PDE10A: variants seen among roughly 807,000 people sequenced by gnomAD.
PDE10A encodes cAMP and cAMP-inhibited cGMP 3',5'-cyclic phosphodiesterase 10A.
A neutral mutation model predicts 97.7 loss-of-function variants in PDE10A; 39 were observed. That is an observed-to-expected ratio of 0.40 (90% CI 0.31 to 0.52). The LOEUF is 0.52. Among genes scored for constraint, PDE10A ranks in the 20% least tolerant of loss-of-function variants. The probability of loss-of-function intolerance (pLI) is 0.56; values close to 1 mark genes in which losing one functional copy is unlikely to be tolerated. For missense variants in PDE10A, 731 were observed against 1,047.8 expected, an observed-to-expected ratio of 0.70 and a Z score of 4.17; for synonymous variants, 371 against 376.8, an observed-to-expected ratio of 0.98 and a Z score of 0.18.
rs1408392341 is a variant in PDE10A, at chr6:165,327,789, C to T, written c.*5236G>A. Reference sequence around the variant, plus strand: ...TGTTAACTTGAAATTCTTTCTCCTTCCAATAGAGAGCCTATTAAAATTCTG... The same window carrying T: ...TGTTAACTTGAAATTCTTTCTCCTTTCAATAGAGAGCCTATTAAAATTCTG... On this transcript the variant is annotated 3_prime_UTR_variant, in exon 22 of 22. Transcript: ENST00000539869. 2.0e-5 allele frequency: 3 copies of T among 152,204 alleles called. No homozygotes were observed. Among genetic ancestry groups the T allele is most frequent in the South Asian group, 2.1e-4 (1 of 4,836 alleles). The allele number at this position is 152,204 out of a possible 1,614,324, so 9.4% of individuals were successfully genotyped here. A position where few individuals can be genotyped will look rare whatever the true frequency, so the allele number is the denominator to read the frequency against.
intron 19 of PDE10A, among the ~76,000 whole-genome samples, chr6:165,342,487 T>C (rs1192995935): frequency 2.0e-5 from 3 of 152,262 alleles, no homozygotes; most frequent in Non-Finnish European, 2.9e-5. Flanking sequence ...GTGATCCTCA[T>C]ACAGTAAACA....
At chr6:165,745,582 T>G (rs1792825411) in intron 1 of PDE10A, among the ~76,000 whole-genome samples, 1 of 152,230 alleles carries the variant, frequency 6.6e-6, no homozygotes, top group Non-Finnish European at 1.5e-5. Context: ...CACTGGTTTA[T>G]CATTAAATGT....
At chr6:165,879,640 G>A (rs1177248368) in intron 1 of PDE10A, among the ~76,000 whole-genome samples, 1 of 152,110 alleles carries the variant, frequency 6.6e-6, no homozygotes, top group Non-Finnish European at 1.5e-5. Context: ...GATGTAAAAC[G>A]GTGCAGTGTT....
At position 165,901,271 on chromosome 6, in the gene PDE10A, G is replaced by A. The variant is rs75877685; in HGVS notation, c.-615+86258C>T. Among the ~76,000 whole-genome samples the A allele has an allele frequency of 7.6e-3, 1,150 of 152,172 alleles. 19 individuals carry two copies. The highest frequency in any genetic ancestry group is 0.026 in the African/African-American group (1,068 of 41,530). ...AAACAAATGAACCTCCACACCACAT[G>A]GCAAAAAGGGGCACTTCTCCTGTTA... On this transcript the variant is annotated intron_variant, in intron 1 of 19. Transcript: ENST00000366882.
At chr6:165,597,538 A>T (rs1319597740) in intron 1 of PDE10A, among the ~76,000 whole-genome samples, 1 of 152,236 alleles carries the variant, frequency 6.6e-6, no homozygotes, top group African/African-American at 2.4e-5. Context: ...GGTTAAAGTG[A>T]CATATGTATG....
At chr6:165,890,375 G>A (rs376556863) in intron 1 of PDE10A, among the ~76,000 whole-genome samples, 11 of 152,216 alleles carry the variant, frequency 7.2e-5, no homozygotes, top group African/African-American at 2.2e-4. Flanking sequence ...TTAGCTAGAT[G>A]GTCAAGAGAG....
At chr6:165,973,810 T>C (rs923520590) in intron 1 of PDE10A, among the ~76,000 whole-genome samples, 2 of 152,256 alleles carry the variant, frequency 1.3e-5, no homozygotes, top group African/African-American at 4.8e-5. Context: ...TAGCTTTTCA[T>C]GTAAAGTTTT....
intron 1 of PDE10A, among the ~76,000 whole-genome samples, chr6:165,958,752 A>AGGAAGGAAGGAAG (rs1784265828): frequency 6.6e-6 from 1 of 150,886 alleles, no homozygotes; most frequent in Non-Finnish European, 1.5e-5. Flanking sequence ...AGAAAGAGAA[A>AGGAAGGAAGGAAG]GAAAGAAAGA....
At chr6:165,638,291 A>T (rs1392988844) in intron 1 of PDE10A, among the ~76,000 whole-genome samples, 1 of 152,236 alleles carries the variant, frequency 6.6e-6, no homozygotes, top group Non-Finnish European at 1.5e-5. Context: ...TACTTCAGAT[A>T]ACTTTTAAAG....
intron 1 of PDE10A, among the ~76,000 whole-genome samples, chr6:165,654,656 C>T (rs1393852155): frequency 6.6e-6 from 1 of 151,954 alleles, no homozygotes; most frequent in Non-Finnish European, 1.5e-5. Flanking sequence ...CAAGTCAATT[C>T]TCCATGCAGA....
chr6:165,898,352 G>A (rs1409666103), intron 1 of PDE10A, among the ~76,000 whole-genome samples: 1 of 152,116 alleles, frequency 6.6e-6, no homozygotes, highest in Non-Finnish European at 1.5e-5. Flanking sequence ...GTATAGCCTG[G>A]TGAGCGAGCA....
rs757971581 is a variant in PDE10A at position 165,693,780 on chromosome 6, T to C, written c.-614-150212A>G. ...CCAGTTACATTCATCTCCGGGTTCA[T>C]TTGTTTTCTGGGGCCAATTCATTTC... On this transcript the variant is annotated intron_variant, in intron 1 of 19. Transcript: ENST00000366882. Among the ~76,000 whole-genome samples, 97 of 152,276 alleles carry C rather than the reference T, an allele frequency of 6.4e-4. 2 individuals are homozygous for C. Among genetic ancestry groups the C allele is most frequent in the South Asian group, 1.2e-3 (6 of 4,824 alleles).
At chr6:165,404,748 T>G (rs2128222417) in intron 13 of PDE10A, among the ~76,000 whole-genome samples, 1 of 152,298 alleles carries the variant, frequency 6.6e-6, no homozygotes, top group African/African-American at 2.4e-5. Flanking sequence ...AAACACTTAC[T>G]GAGAGATTTA....
chr6:165,544,783 T>G (rs1204843060), intron 1 of PDE10A, among the ~76,000 whole-genome samples: 1 of 151,926 alleles, frequency 6.6e-6, no homozygotes, highest in African/African-American at 2.4e-5. Flanking sequence ...GGAAAATGAC[T>G]TCTTTCAATG....
chr6:165,587,958 T>C (rs1328378), intron 1 of PDE10A, among the ~76,000 whole-genome samples: 123,542 of 152,154 alleles, frequency 0.81, 52,522 homozygotes, highest in Non-Finnish European at 0.95. Flanking sequence ...CATTACGATG[T>C]TTGCTTTAAA....
rs564358890 is a variant in PDE10A at position 165,716,147 on chromosome 6, G to A, written c.-614-172579C>T. On this transcript the variant is annotated intron_variant, in intron 1 of 19. Transcript: ENST00000366882. ...TCAAACCCCGGCCCCAGCTACAGAGGTCTCTGCTCTTGGAGTGAGAGGCCT... is the reference window on the plus strand; with the variant it reads ...TCAAACCCCGGCCCCAGCTACAGAGATCTCTGCTCTTGGAGTGAGAGGCCT... Among the ~76,000 whole-genome samples the A allele has an allele frequency of 1.4e-4, 21 of 152,304 alleles. No individual in the cohort carries two copies. In the South Asian group the frequency reaches 4.3e-3, roughly 32 times the overall value.
chr6:165,738,014 A>ATTTT (rs1554314494), intron 1 of PDE10A, among the ~76,000 whole-genome samples: 3 of 151,474 alleles, frequency 2.0e-5, no homozygotes, highest in South Asian at 2.1e-4. Context: ...ATTTTATTTT[A>ATTTT]TTTTTTTATT....
intron 1 of PDE10A, among the ~76,000 whole-genome samples, chr6:165,961,834 T>C (rs1337467425): frequency 6.6e-6 from 1 of 152,206 alleles, no homozygotes; most frequent in Non-Finnish European, 1.5e-5. Context: ...TCCATAATAT[T>C]CTTCTTAGCC....
intron 18 of PDE10A, among the ~76,000 whole-genome samples, chr6:165,364,409 A>G (rs1440447037): frequency 6.6e-6 from 1 of 152,218 alleles, no homozygotes; most frequent in East Asian, 1.9e-4. Flanking sequence ...AACTGCCAGT[A>G]GCTTGATTCT....
Sources: gnomAD v4.1 joint callset for allele counts (sites outside exome capture counted in the v4.1 genomes callset) on GRCh38, gnomAD v4.1.1 for gene constraint, MANE v1.5 for transcripts, NCBI Gene and HGNC (gene_info 2026-07-23, HGNC 2026-07-21) for gene names.